SUSD1: variants seen among roughly 807,000 people sequenced by gnomAD.
The protein encoded by SUSD1 is sushi domain-containing protein 1.
In SUSD1, 65 loss-of-function variants were observed where a neutral mutation model predicts 86.9. The ratio of observed to expected loss-of-function variants is 0.75; its 90% CI spans 0.61 to 0.92. SUSD1 has a LOEUF of 0.92. Among genes scored for constraint, SUSD1 ranks in the 40% least tolerant of loss-of-function variants. The probability of loss-of-function intolerance (pLI) is 0.00; values close to 1 mark genes in which losing one functional copy is unlikely to be tolerated. For synonymous variants in SUSD1, 346 were observed against 350.0 expected (o/e 0.99, Z 0.13); for missense variants, 850 against 929.7 (o/e 0.91, Z 1.11).
intron 12 of SUSD1, among the ~76,000 whole-genome samples, chr9:112,066,956 A>G (rs1829008681): frequency 6.6e-6 from 1 of 152,136 alleles, no homozygotes; most frequent in Non-Finnish European, 1.5e-5. Flanking sequence ...GCTCACTGCA[A>G]TCTCTGCCTC....
At chr9:112,159,172 A>G (rs1833462884) in intron 1 of SUSD1, among the ~76,000 whole-genome samples, 1 of 152,214 alleles carries the variant, frequency 6.6e-6, no homozygotes, top group South Asian at 2.1e-4. Flanking sequence ...CCAAGATCAA[A>G]CAAGAATTTC....
At chr9:112,095,595 C>A (rs1220941867) in intron 10 of SUSD1, among the ~76,000 whole-genome samples, 2 of 152,186 alleles carry the variant, frequency 1.3e-5, no homozygotes, top group Non-Finnish European at 2.9e-5. Context: ...GCTCACAGAT[C>A]AGCTGAGGGT....
intron 5 of SUSD1, among the ~76,000 whole-genome samples, chr9:112,136,791 G>A (rs941367026): frequency 3.9e-5 from 6 of 152,140 alleles, no homozygotes; most frequent in African/African-American, 7.2e-5. Flanking sequence ...AATTTATGTC[G>A]AAGCTTTTTC....
chr9:112,068,326 C>T (rs576841577), intron 12 of SUSD1, among the ~76,000 whole-genome samples: 1 of 152,208 alleles, frequency 6.6e-6, no homozygotes, highest in South Asian at 2.1e-4. Flanking sequence ...TGAGGTCTGG[C>T]AGAGTAGAAG....
At chr9:112,121,931 A>C (rs1054954599) in intron 6 of SUSD1, among the ~76,000 whole-genome samples, 14 of 152,232 alleles carry the variant, frequency 9.2e-5, no homozygotes, top group African/African-American at 3.4e-4. Context: ...ATTCATGAGA[A>C]GATCTTCACA....
intron 8 of SUSD1, among the ~76,000 whole-genome samples, chr9:112,102,902 GTCATT>G (rs1319072107): frequency 6.6e-6 from 1 of 152,078 alleles, no homozygotes; most frequent in East Asian, 1.9e-4. Context: ...ACAGAAAAAA[GTCATT>G]TCATACCTCC....
chr9:112,146,569 C>G (rs1832817798), intron 3 of SUSD1, among the ~76,000 whole-genome samples: 1 of 151,958 alleles, frequency 6.6e-6, no homozygotes, highest in African/African-American at 2.4e-5. Flanking sequence ...TCCTCTTCCC[C>G]TCTTCTTCCC....
rs34476249 is a variant in SUSD1, at chr9:112,163,468, C to CA, written c.104-5856dup. Among the ~76,000 whole-genome samples the CA allele has an allele frequency of 0.018, 2,395 of 136,350 alleles. 118 individuals carry two copies. In the East Asian group the frequency reaches 0.19, roughly 11 times the overall value. 89.5% of individuals were successfully genotyped at this position (136,350 alleles called of 152,430 possible). A position where few individuals can be genotyped will look rare whatever the true frequency, so the allele number is the denominator to read the frequency against. On this transcript the variant is annotated intron_variant, in intron 1 of 16. Transcript: ENST00000374270. ...CAACATAGCAAGACCTCATCGCTAC[C>CA]AAAAAAAAAAAAAAATTTAATTAGC...
At chr9:112,047,478 T>G (rs558480027) in intron 15 of SUSD1, among the ~76,000 whole-genome samples, 18 of 152,290 alleles carry the variant, frequency 1.2e-4, no homozygotes, top group African/African-American at 4.3e-4. Context: ...AGAAGCTGCT[T>G]CCAAGCTCAT....
chr9:112,044,335 G>C (rs1827867219), intron 15 of SUSD1, among the ~76,000 whole-genome samples: 1 of 152,182 alleles, frequency 6.6e-6, no homozygotes, highest in South Asian at 2.1e-4. Flanking sequence ...ACCACTGCCT[G>C]TGTGACTTTG....
chr9:112,126,000 C>T (rs973821461), intron 5 of SUSD1, among the ~76,000 whole-genome samples: 12 of 152,168 alleles, frequency 7.9e-5, no homozygotes, highest in African/African-American at 2.9e-4. Context: ...TGCATATTCA[C>T]CAGACACAAG....
chr9:112,102,790 C>G lies in SUSD1; in HGVS notation c.1172-505G>C, dbSNP rs117494832. 6.4e-3 allele frequency among the ~76,000 whole-genome samples: 972 copies of G among 152,236 alleles called. 40 individuals carry two copies. The highest frequency in any genetic ancestry group is 0.05 in the Admixed American group (772 of 15,288). On this transcript the variant is annotated intron_variant, in intron 8 of 16. Transcript: ENST00000374270. Reference sequence around the variant, plus strand: ...AATAACCAGAAAGTAGATGACCAAGCAAGAGGAAATTTGCTTTCACAGCAG... The same window carrying G: ...AATAACCAGAAAGTAGATGACCAAGGAAGAGGAAATTTGCTTTCACAGCAG...
In SUSD1 at chr9:112,143,338, G is replaced by T. The variant is rs985859535; in HGVS notation, c.526+133C>A. ...ACTTGATTGTTGTTATTTGCTTTAT[G>T]TCATAGGTTGTACAAAATGTGCAAA... On this transcript the variant is annotated intron_variant, in intron 4 of 16. Transcript: ENST00000374270. The T allele has an allele frequency of 5.0e-5, 45 of 908,942 alleles. No individual in the cohort carries two copies. In the African/African-American group the frequency reaches 7.5e-4, roughly 15 times the overall value. The allele number at this position is 908,942 out of a possible 1,614,324, so 56.3% of individuals were successfully genotyped here.
At chr9:112,074,340 G>T (rs1359713015) in intron 12 of SUSD1, among the ~76,000 whole-genome samples, 2 of 152,144 alleles carry the variant, frequency 1.3e-5, no homozygotes, top group African/African-American at 4.8e-5. Context: ...GCGTGCCGTG[G>T]GGCTATCCTG....
chr9:112,083,966 G>A (rs1829871271), intron 10 of SUSD1, among the ~76,000 whole-genome samples: 1 of 152,076 alleles, frequency 6.6e-6, no homozygotes, highest in South Asian at 2.1e-4. Flanking sequence ...AGTTTTAGTA[G>A]GCAATTGATC....
At chr9:112,155,247 T>C (rs1238393216) in intron 2 of SUSD1, among the ~76,000 whole-genome samples, 3 of 141,648 alleles carry the variant, frequency 2.1e-5, no homozygotes, top group Non-Finnish European at 3.1e-5. Context: ...GGAGACGCCA[T>C]CAAAAAAAAA....
intron 6 of SUSD1, among the ~76,000 whole-genome samples, chr9:112,123,528 G>A (rs1831636849): frequency 2.6e-5 from 4 of 152,144 alleles, no homozygotes; most frequent in African/African-American, 9.7e-5. Flanking sequence ...AGCCAGGCAT[G>A]GTGGCTCACA....
chr9:112,064,046 T>TTTTTTTTTTTTTTTTTTTTTTG (rs1491139474), intron 12 of SUSD1, among the ~76,000 whole-genome samples: 8 of 78,650 alleles, frequency 1.0e-4, no homozygotes, highest in Non-Finnish European at 1.8e-4. Flanking sequence ...TTTCTTTTTT[T>TTTTTTTTTTTTTTTTTTTTTTG]GGGGGGGGGG....
At chr9:112,072,580 T>C (rs775969006) in intron 12 of SUSD1, among the ~76,000 whole-genome samples, 8 of 152,200 alleles carry the variant, frequency 5.3e-5, no homozygotes, top group African/African-American at 7.2e-5. Flanking sequence ...TACCTTCTCA[T>C]GCACGTTTTA....
Sources: allele counts gnomAD v4.1 joint callset (sites outside exome capture counted in the v4.1 genomes callset), GRCh38; gene constraint gnomAD v4.1.1; transcripts MANE v1.5; gene names NCBI Gene and HGNC (gene_info 2026-07-23, HGNC 2026-07-21).